Variants in MFN1 observed in about 807,000 individuals in gnomAD.
The protein encoded by MFN1 is mitofusin 1.
In MFN1, 65 loss-of-function variants were observed where a neutral mutation model predicts 92.4. The observed-to-expected ratio is 0.70, with a 90% CI of 0.58 to 0.86. The LOEUF is 0.86. Ranked by LOEUF, MFN1 falls within the 40% of genes least tolerant of loss-of-function variation. The pLI, the probability that MFN1 is intolerant of heterozygous loss-of-function variation, is 0.00. For missense variants in MFN1, 781 were observed against 868.0 expected (o/e 0.90, Z 1.26); for synonymous variants, 297 against 300.9 (o/e 0.99, Z 0.13).
In MFN1 at chr3:179,359,005, A is replaced by G. The variant is rs746913327; in HGVS notation, c.411+3A>G. On this transcript the variant is annotated splice_donor_region_variant and intron_variant, in intron 4 of 17. Coordinates refer to ENST00000471841, the MANE Select transcript of MFN1 (RefSeq NM_033540.3). ...CAGATGAAAAAAAGAGTGTGAAGGT[A>G]TGATCTTTAACCTTTAGCAGAATAA... 2 of 1,612,846 alleles carry G rather than the reference A, an allele frequency of 1.2e-6. No homozygotes were observed. Among genetic ancestry groups the G allele is most frequent in the Non-Finnish European group, 1.7e-6 (2 of 1,179,442 alleles).
chr3:179,381,526 T>G (rs1023968378), intron 14 of MFN1, among the ~76,000 whole-genome samples: 1 of 152,244 alleles, frequency 6.6e-6, no homozygotes, highest in African/African-American at 2.4e-5. Context: ...TTCACTGTTA[T>G]TAATGGTGTG....
intron 7 of MFN1, among the ~76,000 whole-genome samples, chr3:179,366,220 C>T (rs781172600): frequency 8.5e-5 from 13 of 152,182 alleles, no homozygotes; most frequent in Admixed American, 2.6e-4. Flanking sequence ...GTAATGCAGA[C>T]GTCAGTAAAC....
rs1166013863 is a variant in MFN1 at position 179,391,549 on chromosome 3, C to T, written c.2148-432C>T. On this transcript the variant is annotated intron_variant, in intron 17 of 17. Transcript: ENST00000471841. ...CAGGAATAAAGTAAAACAAGACCCT[C>T]CCCGTCCATAATGGAGAGAGAGAGC... is the stretch of plus-strand genomic sequence containing the variant. Among the ~76,000 whole-genome samples the T allele has an allele frequency of 3.3e-5, 5 of 152,116 alleles. No individual in the cohort carries two copies. The South Asian group carries it at 1.0e-3, about 32-fold the overall frequency.
intron 8 of MFN1, 133 bp from the exon 9 acceptor site, chr3:179,367,903 A>C: frequency 2.2e-6 from 1 of 455,800 alleles, no homozygotes; most frequent in Non-Finnish European, 3.2e-6. Flanking sequence ...AGCTCTGGGC[A>C]ACAGAGCAAG....
chr3:179,374,880 GA>G (rs995598405), intron 9 of MFN1, among the ~76,000 whole-genome samples: 1 of 152,034 alleles, frequency 6.6e-6, no homozygotes, highest in Non-Finnish European at 1.5e-5. Context: ...ACTAGAATTG[GA>G]TTAAAGGTGA....
At chr3:179,361,538 C>CTT (rs1361600014) in intron 4 of MFN1, among the ~76,000 whole-genome samples, 1,958 of 143,316 alleles carry the variant, frequency 0.014, 55 homozygotes, top group South Asian at 0.11. Context: ...TTATCTCTCA[C>CTT]TTTTTTTTTT....
At chr3:179,355,578 G>T (rs1444362640) in intron 3 of MFN1, among the ~76,000 whole-genome samples, 3 of 152,192 alleles carry the variant, frequency 2.0e-5, no homozygotes, top group Non-Finnish European at 4.4e-5. Flanking sequence ...GATCACAGGA[G>T]TTGATGAGAT....
chr3:179,355,694 A>T (rs1325178904), intron 3 of MFN1, among the ~76,000 whole-genome samples: 1 of 151,776 alleles, frequency 6.6e-6, no homozygotes, highest in Non-Finnish European at 1.5e-5. Context: ...GCTCACACCT[A>T]TAATCCCAGC....
rs762733179 is a variant in MFN1 at position 179,386,644 on chromosome 3, G to A, written c.2012+15G>A. 79 of 1,576,092 alleles carry A rather than the reference G, an allele frequency of 5.0e-5. No individual in the cohort carries two copies. The highest frequency in any genetic ancestry group is 7.9e-5 in the Admixed American group (4 of 50,474). On this transcript the variant is annotated intron_variant, in intron 16 of 17. Coordinates refer to ENST00000471841, the MANE Select transcript of MFN1 (RefSeq NM_033540.3). The stretch of plus-strand genomic sequence containing the variant: ...CAAGTAAAACAGTAAGTTGGAAGGT[G>A]CATCTTTCCTTTAAAAAAAAGTTAC...
intron 10 of MFN1, among the ~76,000 whole-genome samples, chr3:179,376,503 C>A (rs953780642): frequency 3.9e-5 from 6 of 152,080 alleles, no homozygotes; most frequent in Non-Finnish European, 8.8e-5. Context: ...TCTTTATTTT[C>A]CTGTATCAGC....
chr3:179,370,828 G>A (rs1272815872), intron 9 of MFN1, among the ~76,000 whole-genome samples: 1 of 152,140 alleles, frequency 6.6e-6, no homozygotes, highest in Non-Finnish European at 1.5e-5. Context: ...AAGGTTTTCA[G>A]TACTAGTTTA....
chr3:179,348,017 G>T (rs905362177), intron 1 of MFN1: 7 of 152,252 alleles, frequency 4.6e-5, no homozygotes, highest in Admixed American at 2.0e-4. Context: ...CGTGCTCGGG[G>T]GTGGGATTGG....
chr3:179,376,840 G>A, intron 10 of MFN1: 1 of 399,654 alleles, frequency 2.5e-6, no homozygotes, highest in Non-Finnish European at 4.5e-6. Flanking sequence ...TGCCACATGG[G>A]CAGAGAAACG....
At chr3:179,348,995 CT>C (rs766377796) in intron 2 of MFN1, 32 bp downstream of exon 2, 38 of 1,539,184 alleles carry the variant, frequency 2.5e-5, no homozygotes, top group Non-Finnish European at 3.4e-5. Flanking sequence ...AAAGTAATTA[CT>C]GTTGAAAATA....
intron 5 of MFN1, among the ~76,000 whole-genome samples, chr3:179,363,765 A>G (rs1455427615): frequency 2.6e-5 from 4 of 152,186 alleles, no homozygotes; most frequent in African/African-American, 9.6e-5. Context: ...CTAGGATTAT[A>G]GGAATATGCC....
Position 179,377,389 on chromosome 3 carries a change from G to T in MFN1, c.1270G>T (p.Val424Phe), listed in dbSNP as rs1163894699. 6.2e-7 allele frequency: 1 copy of T among 1,609,776 alleles called. No individual in the cohort carries two copies. Reference sequence around the variant, plus strand: ...TGAAATTTGTCGACTGTCTGTTTTGGTTGATGAATTTTGTTCAGAGTTTCA... The same window carrying T: ...TGAAATTTGTCGACTGTCTGTTTTGTTTGATGAATTTTGTTCAGAGTTTCA... ...TDEICRLSVL[V>F]DEFCSEFHPN... Residue 424 changes from valine to phenylalanine, a missense_variant, in exon 12 of 18, where the codon GTT becomes TTT. Physicochemically the swap from Val to Phe is conservative, Grantham distance 50 (BLOSUM62 -1). Coordinates refer to ENST00000471841, the MANE Select transcript of MFN1 (RefSeq NM_033540.3).
chr3:179,383,856 A>G (rs969982899), intron 14 of MFN1, among the ~76,000 whole-genome samples: 12 of 152,232 alleles, frequency 7.9e-5, no homozygotes, highest in Non-Finnish European at 1.8e-4. Flanking sequence ...GCATTTTAAA[A>G]GAAAAACTTT....
At chr3:179,367,687 G>A in intron 8 of MFN1, 95 bp downstream of exon 8, 1 of 1,078,826 alleles carries the variant, frequency 9.3e-7, no homozygotes, top group Non-Finnish European at 1.3e-6. Flanking sequence ...CACTTTGGAA[G>A]GCTGAGGCGG....
Position 179,385,769 on chromosome 3 carries a change from G to C in MFN1, c.1815+48G>C, listed in dbSNP as rs779371148. 17 of 1,560,690 alleles carry C rather than the reference G, an allele frequency of 1.1e-5. No homozygotes were observed. The South Asian group carries it at 1.7e-4, about 16-fold the overall frequency. On this transcript the variant is annotated intron_variant, in intron 15 of 17. Coordinates refer to ENST00000471841, the MANE Select transcript of MFN1 (RefSeq NM_033540.3). Reference sequence around the variant, plus strand: ...TAATTAAAATCGAAATGTTTGCAAGGCTGCCTGTTAGCTCACAAAAGAAAA... The same window carrying C: ...TAATTAAAATCGAAATGTTTGCAAGCCTGCCTGTTAGCTCACAAAAGAAAA...
Sources: gnomAD v4.1 joint callset for allele counts (sites outside exome capture counted in the v4.1 genomes callset) on GRCh38, gnomAD v4.1.1 for gene constraint, MANE v1.5 for transcripts, NCBI Gene and HGNC (gene_info 2026-07-23, HGNC 2026-07-21) for gene names.